SMARCA1: variants seen among roughly 807,000 people sequenced by gnomAD.
SMARCA1 encodes the protein SNF2 related chromatin remodeling ATPase 1, also known as SWI/SNF-related matrix-associated actin-dependent regulator of chromatin subfamily A member 1.
A neutral mutation model predicts 93.6 loss-of-function variants in SMARCA1; 17 were observed. The observed-to-expected ratio is 0.18, with a 90% confidence interval of 0.12 to 0.27. The LOEUF (loss-of-function observed/expected upper bound fraction) is 0.27. Ranked by LOEUF, SMARCA1 falls within the 10% of genes least tolerant of loss-of-function variation. The probability of loss-of-function intolerance (pLI) is 1.00; values close to 1 mark genes in which losing one functional copy is unlikely to be tolerated. For synonymous variants in SMARCA1, 271 were observed against 271.4 expected (o/e 1.00, Z 0.01); for missense variants, 630 against 819.0 (o/e 0.77, Z 2.82).
At chrX:129,510,424 C>T (rs1404181000) in intron 6 of SMARCA1, among the ~76,000 whole-genome samples, 1 of 111,986 alleles carries the variant, frequency 8.9e-6, no homozygotes, top group East Asian at 2.8e-4. Flanking sequence ...TTTTCAAAGC[C>T]AGGCACAGTG....
At chrX:129,477,917 T>C (rs1933459934) in intron 19 of SMARCA1, among the ~76,000 whole-genome samples, 1 of 110,319 alleles carries the variant, frequency 9.1e-6, no homozygotes, top group Non-Finnish European at 1.9e-5. Flanking sequence ...ACCAGCCTCA[T>C]CTCAAGTCAC....
chrX:129,484,851 C>T (rs1425195912), intron 17 of SMARCA1, among the ~76,000 whole-genome samples: 1 of 112,098 alleles, frequency 8.9e-6, no homozygotes, highest in Non-Finnish European at 1.9e-5. Context: ...CCAGTACATG[C>T]TAAAATCAGT....
intron 6 of SMARCA1, 47 bp from the exon 7 acceptor site, chrX:129,508,143 ATATGT>A: frequency 1.3e-6 from 1 of 742,726 alleles, no homozygotes; most frequent in Non-Finnish European, 1.9e-6. Context: ...TTATATTAGA[ATATGT>A]TATAAGATGA....
intron 21 of SMARCA1, among the ~76,000 whole-genome samples, chrX:129,466,558 G>GGC (rs1430325265): frequency 1.8e-5 from 2 of 110,949 alleles, no homozygotes; most frequent in Non-Finnish European, 3.8e-5. Flanking sequence ...GGGAAGCTGA[G>GGC]GCGGGAGAAT....
rs1020269681 is a variant in SMARCA1 at position 129,522,157 on chromosome X, T to A, written c.174+1040A>T. On this transcript the variant is annotated intron_variant, in intron 1 of 24. Transcript: ENST00000371121. ...CCCATCCTATTTTTATGTCAATTTT[T>A]CAACGTTTTATAGTTTTATTTGCAT... Among the ~76,000 whole-genome samples, 3 of 111,703 alleles carry A rather than the reference T, an allele frequency of 2.7e-5. No homozygotes were observed. The East Asian group carries it at 8.3e-4, about 31-fold the overall frequency.
At chrX:129,499,448 T>C (rs1219453861) in intron 10 of SMARCA1, among the ~76,000 whole-genome samples, 1 of 111,803 alleles carries the variant, frequency 8.9e-6, no homozygotes, top group Non-Finnish European at 1.9e-5. Context: ...ATCCCCATTT[T>C]ACAGAATGGA....
At chrX:129,500,809 C>G (rs953510375) in intron 9 of SMARCA1, among the ~76,000 whole-genome samples, 3 of 112,311 alleles carry the variant, frequency 2.7e-5, no homozygotes, top group African/African-American at 9.7e-5. Context: ...CCATTATAAT[C>G]TGATGGGACC....
rs1414310652 is a variant in SMARCA1, at chrX:129,523,477, A to T, written c.-107T>A. 1 of 615,739 alleles carries T rather than the reference A, an allele frequency of 1.6e-6. No homozygotes were observed. Among genetic ancestry groups the T allele is most frequent in the Non-Finnish European group, 2.4e-6 (1 of 423,596 alleles). The allele number at this position is 615,739 out of a possible 1,213,427, so 50.7% of individuals were successfully genotyped here. ...CTAGATGGAGCAGGGGTGGGGAATC[A>T]CTCCGCTTCCAACCCCTTCGCTCAG... On this transcript the variant is annotated 5_prime_UTR_variant, in exon 1 of 25. Transcript: ENST00000371121.
intron 8 of SMARCA1, among the ~76,000 whole-genome samples, chrX:129,505,433 A>T: frequency 9.1e-6 from 1 of 110,379 alleles, no homozygotes; most frequent in Admixed American, 9.7e-5. Context: ...AATCACTTTA[A>T]CCCGGGAGGC....
intron 7 of SMARCA1, 146 bp from the exon 8 acceptor site, chrX:129,506,357 A>G (rs1934808301): frequency 2.2e-6 from 1 of 459,736 alleles, no homozygotes; most frequent in Admixed American, 3.5e-5. Context: ...TCAGGTGACA[A>G]TGCTGCAGTG....
intron 21 of SMARCA1, among the ~76,000 whole-genome samples, chrX:129,467,409 T>C (rs1328494160): frequency 1.8e-5 from 2 of 111,760 alleles, no homozygotes; most frequent in African/African-American, 6.5e-5. Context: ...TAAAAATCTC[T>C]CTGCACATAC....
intron 9 of SMARCA1, among the ~76,000 whole-genome samples, chrX:129,501,864 C>T (rs766442733): frequency 3.0e-4 from 34 of 111,798 alleles, no homozygotes; most frequent in Admixed American, 2.6e-3. Flanking sequence ...CCACCCGCCT[C>T]GGCCTCCCAA....
At chrX:129,485,350 T>C (rs751056450) in intron 17 of SMARCA1, among the ~76,000 whole-genome samples, 1 of 112,234 alleles carries the variant, frequency 8.9e-6, no homozygotes, top group South Asian at 3.7e-4. Context: ...ATTAGGCTGA[T>C]TTATCCCTTT....
chrX:129,489,597 G>A (rs751061495), intron 15 of SMARCA1, among the ~76,000 whole-genome samples: 28 of 112,243 alleles, frequency 2.5e-4, no homozygotes, highest in Non-Finnish European at 4.1e-4. Flanking sequence ...TTGCTCTGTC[G>A]CCCAAGGCGG....
intron 23 of SMARCA1, among the ~76,000 whole-genome samples, chrX:129,448,674 T>C (rs1417787573): frequency 9.1e-6 from 1 of 110,230 alleles, no homozygotes; most frequent in East Asian, 2.8e-4. Flanking sequence ...TCATATAATA[T>C]TACTCAGCAA....
At chrX:129,455,680 G>C (rs1461410806) in intron 23 of SMARCA1, among the ~76,000 whole-genome samples, 4 of 111,648 alleles carry the variant, frequency 3.6e-5, no homozygotes, top group African/African-American at 6.5e-5. Context: ...CTGATATGGA[G>C]AAAGTTTTAG....
chrX:129,493,734 T>C (rs1934212871), intron 12 of SMARCA1, among the ~76,000 whole-genome samples: 1 of 112,130 alleles, frequency 8.9e-6, no homozygotes, highest in Admixed American at 9.5e-5. Flanking sequence ...GAGAATTCAA[T>C]TGGAACTTTA....
intron 12 of SMARCA1, among the ~76,000 whole-genome samples, chrX:129,494,820 G>A (rs1420169851): frequency 8.9e-6 from 1 of 112,549 alleles, no homozygotes; most frequent in African/African-American, 3.2e-5. Context: ...ACGCTGCAAA[G>A]TGGTGAAGTT....
intron 5 of SMARCA1, among the ~76,000 whole-genome samples, chrX:129,514,500 C>T (rs1292491756): frequency 8.9e-6 from 1 of 112,408 alleles, no homozygotes; most frequent in East Asian, 2.8e-4. Flanking sequence ...CCTTATTCCA[C>T]CTATGCACTT....
Sources: gnomAD v4.1 joint callset for allele counts (sites outside exome capture counted in the v4.1 genomes callset) on GRCh38, gnomAD v4.1.1 for gene constraint, MANE v1.5 for transcripts, NCBI Gene and HGNC (gene_info 2026-07-23, HGNC 2026-07-21) for gene names.